JAZF1: variants seen among roughly 807,000 people sequenced by gnomAD.
JAZF1 encodes the protein juxtaposed with another zinc finger protein 1.
JAZF1 carries 8 observed loss-of-function variants against 26.4 expected under a neutral mutation model. The ratio of observed to expected loss-of-function variants is 0.30; its 90% CI spans 0.18 to 0.55. The LOEUF (loss-of-function observed/expected upper bound fraction) is 0.55, where lower values mean the gene tolerates loss of function less well. JAZF1 is among the 20% of genes least tolerant of loss of function. The probability of loss-of-function intolerance (pLI) is 0.94; values close to 1 mark genes in which losing one functional copy is unlikely to be tolerated. For synonymous variants in JAZF1, 126 were observed against 122.3 expected, an observed-to-expected ratio of 1.03 and a Z score of -0.20; for missense variants, 199 against 322.0, an observed-to-expected ratio of 0.62 and a Z score of 2.92.
intron 2 of JAZF1, among the ~76,000 whole-genome samples, chr7:27,925,848 C>T (rs141284204): frequency 6.2e-4 from 95 of 152,342 alleles, no homozygotes; most frequent in Middle Eastern, 3.4e-3. Context: ...CTATTGAGGT[C>T]ACCTGGATGC....
At chr7:27,859,321 C>G (rs1783332921) in intron 3 of JAZF1, among the ~76,000 whole-genome samples, 1 of 152,168 alleles carries the variant, frequency 6.6e-6, no homozygotes, top group Non-Finnish European at 1.5e-5. Context: ...TGTGGTGATT[C>G]CTCAAGGATC....
At chr7:28,027,283 T>C (rs773893781) in intron 1 of JAZF1, among the ~76,000 whole-genome samples, 10 of 152,168 alleles carry the variant, frequency 6.6e-5, no homozygotes, top group South Asian at 2.1e-4. Flanking sequence ...TAGGAAAAAG[T>C]GGTTCCTACT....
At chr7:28,168,935 A>C (rs1209636301) in intron 1 of JAZF1, among the ~76,000 whole-genome samples, 16 of 152,232 alleles carry the variant, frequency 1.1e-4, no homozygotes, top group Admixed American at 1.0e-3. Flanking sequence ...CTGACTCAGA[A>C]CCCGGGAAAC....
chr7:27,890,765 T>C (rs1351386895), intron 3 of JAZF1, among the ~76,000 whole-genome samples: 2 of 151,642 alleles, frequency 1.3e-5, no homozygotes, highest in Non-Finnish European at 2.9e-5. Flanking sequence ...TCTAAGTAAT[T>C]GTACTTTAGA....
chr7:28,171,451 T>A (rs1258054060), intron 1 of JAZF1, among the ~76,000 whole-genome samples: 1 of 152,308 alleles, frequency 6.6e-6, no homozygotes, highest in Non-Finnish European at 1.5e-5. Context: ...TTCATACCAT[T>A]TCTGAAAACA....
At chr7:28,032,865 C>A (rs950193159) in intron 1 of JAZF1, among the ~76,000 whole-genome samples, 2 of 152,150 alleles carry the variant, frequency 1.3e-5, no homozygotes, top group Non-Finnish European at 2.9e-5. Context: ...TGTGCCGCAT[C>A]CACATGCTCT....
chr7:28,136,504 T>C (rs1482371853), intron 1 of JAZF1, among the ~76,000 whole-genome samples: 1 of 152,254 alleles, frequency 6.6e-6, no homozygotes, highest in Non-Finnish European at 1.5e-5. Flanking sequence ...GCTCAGAATC[T>C]AGAGAGAAAT....
intron 1 of JAZF1, among the ~76,000 whole-genome samples, chr7:28,109,629 A>G (rs1784608176): frequency 6.6e-6 from 1 of 152,214 alleles, no homozygotes; most frequent in Admixed American, 6.5e-5. Flanking sequence ...CTCATTTTAC[A>G]CACAAGGAAA....
At chr7:27,972,691 G>A (rs918560386) in intron 2 of JAZF1, among the ~76,000 whole-genome samples, 2 of 152,092 alleles carry the variant, frequency 1.3e-5, no homozygotes, top group African/African-American at 4.8e-5. Context: ...GGAAACAACT[G>A]GGATATCCAC....
chr7:27,953,486 G>A (rs1785043528), intron 2 of JAZF1, among the ~76,000 whole-genome samples: 1 of 152,202 alleles, frequency 6.6e-6, no homozygotes, highest in South Asian at 2.1e-4. Context: ...TGAAGTGCCT[G>A]CAGCTTAATG....
intron 2 of JAZF1, among the ~76,000 whole-genome samples, chr7:27,974,491 T>C (rs1785434266): frequency 6.6e-6 from 1 of 152,128 alleles, no homozygotes; most frequent in Admixed American, 6.5e-5. Context: ...TGAACTGCAG[T>C]AAGTTTAGCA....
At chr7:28,089,526 G>A (rs1479908575) in intron 1 of JAZF1, among the ~76,000 whole-genome samples, 5 of 152,204 alleles carry the variant, frequency 3.3e-5, no homozygotes, top group African/African-American at 4.8e-5. Flanking sequence ...ACTGGTTAAC[G>A]CGTAGAGAGG....
chr7:27,858,577 C>T (rs1783314338), intron 3 of JAZF1, among the ~76,000 whole-genome samples: 1 of 152,152 alleles, frequency 6.6e-6, no homozygotes, highest in South Asian at 2.1e-4. Flanking sequence ...AATAATGCCA[C>T]ACATCTACAA....
At chr7:27,875,451 C>T (rs1272930565) in intron 3 of JAZF1, among the ~76,000 whole-genome samples, 1 of 152,170 alleles carries the variant, frequency 6.6e-6, no homozygotes, top group East Asian at 1.9e-4. Context: ...TTAAAACCCT[C>T]CCTTAACTTC....
chr7:27,970,039 G>A (rs1785348846), intron 2 of JAZF1, among the ~76,000 whole-genome samples: 1 of 152,100 alleles, frequency 6.6e-6, no homozygotes, highest in Non-Finnish European at 1.5e-5. Context: ...AGTGGTAAGA[G>A]CAATCTTTTA....
chr7:27,965,334 AAAG>A (rs1785254999), intron 2 of JAZF1, among the ~76,000 whole-genome samples: 1 of 152,098 alleles, frequency 6.6e-6, no homozygotes, highest in Admixed American at 6.5e-5. Flanking sequence ...ACAGGTATTA[AAAG>A]AAGATCTGAA....
intron 2 of JAZF1, chr7:27,913,317 T>G: frequency 2.4e-6 from 1 of 418,454 alleles, no homozygotes; most frequent in South Asian, 1.7e-5. Context: ...GTAGCCAGAT[T>G]GAGATTTTCT....
rs58448766 is a variant in JAZF1, at chr7:28,120,501, C to CTTTTTTTTTTTTTTTTTTTTTTTTTTTTT, written c.115+59961_115+59962insAAAAAAAAAAAAAAAAAAAAAAAAAAAAA. Among the ~76,000 whole-genome samples the CTTTTTTTTTTTTTTTTTTTTTTTTTTTTT allele has an allele frequency of 2.0e-4, 12 of 59,014 alleles. 3 individuals carry two copies. Among genetic ancestry groups the CTTTTTTTTTTTTTTTTTTTTTTTTTTTTT allele is most frequent in the African/African-American group, 2.7e-4 (4 of 14,656 alleles). 38.7% of individuals were successfully genotyped at this position (59,014 alleles called of 152,430 possible). A position where few individuals can be genotyped will look rare whatever the true frequency, so the allele number is the denominator to read the frequency against. On this transcript the variant is annotated intron_variant, in intron 1 of 4. Coordinates refer to ENST00000283928, the MANE Select transcript of JAZF1 (RefSeq NM_175061.4). ...TCTGAACCACTAGCCACACACAGTT[C>CTTTTTTTTTTTTTTTTTTTTTTTTTTTTT]TTTTTTTTTTTTTTTTTTTTTTTTT...
intron 1 of JAZF1, among the ~76,000 whole-genome samples, chr7:28,116,443 T>TTC (rs761869528): frequency 8.2e-4 from 125 of 152,168 alleles, no homozygotes; most frequent in Non-Finnish European, 8.4e-4. Flanking sequence ...ATGTATTTCT[T>TTC]TCTCTCTCTC....
Sources: allele counts gnomAD v4.1 joint callset (sites outside exome capture counted in the v4.1 genomes callset), GRCh38; gene constraint gnomAD v4.1.1; transcripts MANE v1.5; gene names NCBI Gene and HGNC (gene_info 2026-07-23, HGNC 2026-07-21).